Variants in BPIFC observed in about 807,000 individuals in gnomAD.
The protein encoded by BPIFC is BPI fold containing family C, also known as BPI fold-containing family C protein.
A neutral mutation model predicts 57.6 loss-of-function variants in BPIFC; 60 were observed. That is an observed-to-expected ratio of 1.04 (90% confidence interval 0.85 to 1.29). The LOEUF is 1.29. BPIFC is among the 50% of genes most tolerant of loss of function. BPIFC has a pLI of 0.00. For synonymous variants in BPIFC, 243 were observed against 224.5 expected, an observed-to-expected ratio of 1.08 and a Z score of -0.74; for missense variants, 581 against 600.5, an observed-to-expected ratio of 0.97 and a Z score of 0.34.
intron 2 of BPIFC, among the ~76,000 whole-genome samples, chr22:32,458,392 C>G (rs977444773): frequency 4.6e-5 from 7 of 152,228 alleles, no homozygotes; most frequent in Non-Finnish European, 1.0e-4. Flanking sequence ...CAAAGTCTTT[C>G]CTAGCCACTC....
intron 2 of BPIFC, among the ~76,000 whole-genome samples, chr22:32,458,334 A>G (rs770497343): frequency 1.2e-4 from 18 of 152,290 alleles, no homozygotes; most frequent in Non-Finnish European, 2.1e-4. Context: ...AGTCTTCCTC[A>G]AAGAACCCGG....
rs1353458678 is a variant in BPIFC at position 32,415,905 on chromosome 22, G to A, written c.1401+10C>T. 1.9e-6 allele frequency: 3 copies of A among 1,552,826 alleles called. No homozygotes were observed. The highest frequency in any genetic ancestry group is 2.6e-6 in the Non-Finnish European group (3 of 1,141,228). On this transcript the variant is annotated intron_variant, in intron 16 of 16. Transcript: ENST00000300399. ...ATGGGTCAGTTAAGAGGTGAGATTT[G>A]CATTCTTACCTCAAGAACTTCAATA...
chr22:32,450,341 T>C (rs1450814338), intron 4 of BPIFC, among the ~76,000 whole-genome samples: 3 of 152,184 alleles, frequency 2.0e-5, no homozygotes, highest in Admixed American at 1.3e-4. Flanking sequence ...GGTATGTAGT[T>C]AGCTATACCA....
chr22:32,446,913 G>T, intron 5 of BPIFC: 1 of 650,510 alleles, frequency 1.5e-6, no homozygotes, highest in Non-Finnish European at 1.9e-6. Flanking sequence ...TGATTTGTGG[G>T]TGATCGAAAA....
rs1022994231 is a variant in BPIFC, at chr22:32,445,772, C to G, written c.530+69G>C. 57 of 1,432,448 alleles carry G rather than the reference C, an allele frequency of 4.0e-5. No individual in the cohort carries two copies. In the African/African-American group the frequency reaches 7.3e-4, roughly 18 times the overall value. The allele number at this position is 1,432,448 out of a possible 1,614,324, so 88.7% of individuals were successfully genotyped here. On this transcript the variant is annotated intron_variant, in intron 6 of 16. Transcript: ENST00000300399. The stretch of plus-strand genomic sequence containing the variant: ...GAGACCATAATCAGCCATTTGTAAA[C>G]CTTCCCTAGGCGATGCCTGAGTATC...
intron 4 of BPIFC, among the ~76,000 whole-genome samples, chr22:32,450,699 T>C (rs139299199): frequency 1.3e-5 from 2 of 152,224 alleles, no homozygotes; most frequent in Non-Finnish European, 2.9e-5. Flanking sequence ...TACTGACCTA[T>C]ATATGTTTAG....
At chr22:32,447,115 A>T (rs2145952850) in intron 5 of BPIFC, 97 bp downstream of exon 5, 1 of 1,393,804 alleles carries the variant, frequency 7.2e-7, no homozygotes, top group East Asian at 2.5e-5. Context: ...AATGAGGGAA[A>T]GAAGCCTATT....
intron 1 of BPIFC, among the ~76,000 whole-genome samples, chr22:32,462,229 T>C (rs1935183223): frequency 6.7e-6 from 1 of 150,160 alleles, no homozygotes; most frequent in Admixed American, 6.6e-5. Flanking sequence ...AAAAATATTT[T>C]CATAGCAATG....
chr22:32,462,167 T>G (rs1935173987), intron 1 of BPIFC, among the ~76,000 whole-genome samples: 1 of 10,958 alleles, frequency 9.1e-5, no homozygotes, highest in African/African-American at 2.8e-4. Flanking sequence ...AGACTCCATC[T>G]CAAAAAAAAA....
At chr22:32,461,175 A>G (rs1193392400) in intron 2 of BPIFC, among the ~76,000 whole-genome samples, 1 of 152,136 alleles carries the variant, frequency 6.6e-6, no homozygotes, top group African/African-American at 2.4e-5. Context: ...CACTCAGAGT[A>G]TTGGCTCCTT....
chr22:32,428,660 A>G (rs1934140663), intron 13 of BPIFC, among the ~76,000 whole-genome samples: 1 of 151,986 alleles, frequency 6.6e-6, no homozygotes, highest in African/African-American at 2.4e-5. Flanking sequence ...GCACTTTGGG[A>G]GGCCGAGGCC....
chr22:32,456,097 CT>C (rs1411671060), intron 3 of BPIFC, among the ~76,000 whole-genome samples: 1 of 152,254 alleles, frequency 6.6e-6, no homozygotes, highest in Non-Finnish European at 1.5e-5. Flanking sequence ...GACTTCAGAT[CT>C]GTTCTTTTAA....
In BPIFC at chr22:32,421,410, C is replaced by T. The variant is rs188902325; in HGVS notation, c.1218-2006G>A. 1.5e-3 allele frequency among the ~76,000 whole-genome samples: 233 copies of T among 152,228 alleles called. 4 individuals carry two copies. The highest frequency in any genetic ancestry group is 0.011 in the Admixed American group (169 of 15,280). On this transcript the variant is annotated intron_variant, in intron 13 of 16. Coordinates refer to ENST00000300399, the MANE Select transcript of BPIFC (RefSeq NM_174932.3). ...ATGCCCATCCCAGAGCTCTCTTTTT[C>T]GTATCTTGCTTTTCCTCTTAGCTTT...
At chr22:32,449,455 A>T (rs1336594716) in intron 4 of BPIFC, among the ~76,000 whole-genome samples, 4 of 152,236 alleles carry the variant, frequency 2.6e-5, no homozygotes, top group Non-Finnish European at 5.9e-5. Context: ...TCTTCTATGC[A>T]TCCTTTCCTA....
intron 16 of BPIFC, 132 bp from the exon 17 acceptor site, chr22:32,414,557 A>G: frequency 1.7e-6 from 2 of 1,161,094 alleles, no homozygotes; most frequent in Non-Finnish European, 2.3e-6. Flanking sequence ...GCTGTCGCCC[A>G]GGCTGGAGTG....
intron 4 of BPIFC, among the ~76,000 whole-genome samples, chr22:32,451,167 T>G (rs1934885901): frequency 6.6e-6 from 1 of 152,238 alleles, no homozygotes; most frequent in Non-Finnish European, 1.5e-5. Flanking sequence ...AATACCTGTT[T>G]CCAGCTTCAT....
At chr22:32,424,528 C>CT in intron 13 of BPIFC, among the ~76,000 whole-genome samples, 1 of 146,240 alleles carries the variant, frequency 6.8e-6, no homozygotes, top group Non-Finnish European at 1.5e-5. Flanking sequence ...CTCTTCCAGG[C>CT]AAGGGTATAA....
chr22:32,453,854 G>A (rs1426567096), intron 3 of BPIFC, among the ~76,000 whole-genome samples: 14 of 152,078 alleles, frequency 9.2e-5, no homozygotes, highest in African/African-American at 3.1e-4. Flanking sequence ...AGGTTGAGGC[G>A]GGAGGATCGC....
chr22:32,445,310 C>T (rs569475930), intron 7 of BPIFC, among the ~76,000 whole-genome samples: 2 of 152,130 alleles, frequency 1.3e-5, no homozygotes, highest in Non-Finnish European at 2.9e-5. Context: ...GGCCAAGGTG[C>T]GCGGATCACG....
Sources: gnomAD v4.1 joint callset for allele counts (sites outside exome capture counted in the v4.1 genomes callset) on GRCh38, gnomAD v4.1.1 for gene constraint, MANE v1.5 for transcripts, NCBI Gene and HGNC (gene_info 2026-07-23, HGNC 2026-07-21) for gene names.